The following SSC4D variants were observed in gnomAD, a reference collection of about 807,000 sequenced individuals.
SSC4D encodes the protein scavenger receptor cysteine rich family member with 4 domains.
A neutral mutation model predicts 63.4 loss-of-function variants in SSC4D; 57 were observed. The ratio of observed to expected loss-of-function variants is 0.90; its 90% CI spans 0.73 to 1.12. The LOEUF (loss-of-function observed/expected upper bound fraction) is 1.12. Ranked by LOEUF, SSC4D falls within the 50% of genes most tolerant of loss-of-function variation. The pLI is 0.00. For missense variants in SSC4D, 791 were observed against 806.4 expected (o/e 0.98, Z 0.23); for synonymous variants, 352 against 345.4 (o/e 1.02, Z -0.21).
chr7:76,397,981 G>C (rs1227361590), intron 5 of SSC4D, 149 bp from the exon 6 acceptor site: 8 of 818,182 alleles, frequency 9.8e-6, no homozygotes, highest in Middle Eastern at 3.6e-4. Flanking sequence ...GTCCAGACTG[G>C]GGGTAGCTTG....
chr7:76,401,447 A>G (rs1399253549), intron 2 of SSC4D, among the ~76,000 whole-genome samples: 2 of 151,518 alleles, frequency 1.3e-5, no homozygotes, highest in Non-Finnish European at 2.9e-5. Flanking sequence ...ACAAAGTCTC[A>G]CTCTTGTCAC....
intron 1 of SSC4D, among the ~76,000 whole-genome samples, chr7:76,405,323 T>TTTTCTTTCTTTCTTTCTTTCTTTCTTTC (rs765504064): frequency 3.4e-5 from 1 of 29,176 alleles, no homozygotes; most frequent in Non-Finnish European, 5.9e-5. Context: ...ATATGTATTT[T>TTTTCTTTCTTTCTTTCTTTCTTTCTTTC]TTTCTTTCTT....
Position 76,393,563 on chromosome 7 carries a change from C to T in SSC4D, c.1175G>A (p.Gly392Asp). 4.0e-6 allele frequency: 6 copies of T among 1,517,770 alleles called. No homozygotes were observed. The highest frequency in any genetic ancestry group is 5.3e-6 in the Non-Finnish European group (6 of 1,139,598). 94.0% of individuals were successfully genotyped at this position (1,517,770 alleles called of 1,614,324 possible). ...GCCGAAGTGGCCCAGTCCCGTAGCG[C>T]CCAGCGCAGGCCCGCAGCCCGCTTC... Reference protein sequence around the residue: ...CREAGCGPALGATGLGHFGYG... With the variant: ...CREAGCGPALDATGLGHFGYG... The change falls in exon 9 of 11, where the codon GGC becomes GAC. Residue 392 changes from glycine (G) to aspartate (D), a missense_variant. By Grantham distance (94) the Gly-to-Asp change is moderately conservative. Coordinates refer to ENST00000275560, the MANE Select transcript of SSC4D (RefSeq NM_080744.2).
chr7:76,406,105 C>T (rs1805020488), intron 1 of SSC4D, among the ~76,000 whole-genome samples: 1 of 152,180 alleles, frequency 6.6e-6, no homozygotes, highest in Non-Finnish European at 1.5e-5. Flanking sequence ...CCTGCCTCAG[C>T]CTCCTGAGTA....
At chr7:76,390,555 C>T (rs1804474226) in intron 10 of SSC4D, among the ~76,000 whole-genome samples, 180 bp from the exon 11 acceptor site, 1 of 152,230 alleles carries the variant, frequency 6.6e-6, no homozygotes, top group Admixed American at 6.5e-5. Context: ...CAATGGCTCA[C>T]GCCTGTAATT....
intron 9 of SSC4D, 23 bp downstream of exon 9, chr7:76,393,382 C>G (rs749194841): frequency 3.0e-5 from 40 of 1,332,498 alleles, no homozygotes; most frequent in Middle Eastern, 5.7e-4. Context: ...CGCTGTCAGC[C>G]TCACCTTCGC....
At chr7:76,403,457 C>G (rs984313883) in intron 2 of SSC4D, among the ~76,000 whole-genome samples, 2 of 151,672 alleles carry the variant, frequency 1.3e-5, no homozygotes, top group African/African-American at 4.8e-5. Context: ...CCTGCCTCAG[C>G]CTCCTGAGTA....
chr7:76,405,357 T>C (rs1179279391), intron 1 of SSC4D, among the ~76,000 whole-genome samples: 1 of 121,298 alleles, frequency 8.2e-6, no homozygotes, highest in Non-Finnish European at 1.8e-5. Context: ...TTTTTTTTTT[T>C]TTTTGGTAGA....
At position 76,405,274 on chromosome 7, in the gene SSC4D, TATATATATATATATA is replaced by T. The variant is rs1563686787; in HGVS notation, c.-66-784_-66-770del. On this transcript the variant is annotated intron_variant, in intron 1 of 10. Transcript: ENST00000275560. ...GTGCATCACCACACCCAGCTAATTA[TATATATATATATATA>T]TATATATATATATATATATATATAT... Among the ~76,000 whole-genome samples the T allele has an allele frequency of 3.0e-3, 64 of 21,248 alleles. 1 individual carries two copies. The highest frequency in any genetic ancestry group is 0.014 in the East Asian group (6 of 430). 13.9% of individuals were successfully genotyped at this position (21,248 alleles called of 152,430 possible).
intron 1 of SSC4D, among the ~76,000 whole-genome samples, chr7:76,405,075 GA>G (rs1233887142): frequency 2.7e-5 from 4 of 149,212 alleles, no homozygotes; most frequent in Admixed American, 6.7e-5. Flanking sequence ...GCCTCAAAAA[GA>G]AAAAAATTAA....
At chr7:76,399,203 G>C (rs962494469) in intron 4 of SSC4D, among the ~76,000 whole-genome samples, 2 of 151,888 alleles carry the variant, frequency 1.3e-5, no homozygotes, top group Non-Finnish European at 2.9e-5. Flanking sequence ...AGTAGAGATG[G>C]GGTTTCACCA....
chr7:76,396,423 A>G (rs535552305), intron 6 of SSC4D, among the ~76,000 whole-genome samples: 51 of 152,388 alleles, frequency 3.3e-4, no homozygotes, highest in Non-Finnish European at 5.3e-4. Flanking sequence ...GAAAGTAAAT[A>G]GAATTACGAC....
Position 76,393,568 on chromosome 7 carries a change from C to T in SSC4D, c.1170G>A (p.Ala390=), listed in dbSNP as rs1159326728. The T allele has an allele frequency of 1.1e-5, 16 of 1,514,004 alleles. No homozygotes were observed. The highest frequency in any genetic ancestry group is 2.9e-5 in the African/African-American group (2 of 69,726). 93.8% of individuals were successfully genotyped at this position (1,514,004 alleles called of 1,614,324 possible). ...VACREAGCGP[A]LGATGLGHFG... ...AGTGGCCCAGTCCCGTAGCGCCCAG[C>T]GCAGGCCCGCAGCCCGCTTCGCGGC... The change falls in exon 9 of 11, where the codon GCG becomes GCA. Residue 390 remains alanine (A), a synonymous_variant. Coordinates refer to ENST00000275560, the MANE Select transcript of SSC4D (RefSeq NM_080744.2).
At chr7:76,401,819 C>G (rs993941843) in intron 2 of SSC4D, among the ~76,000 whole-genome samples, 2 of 152,170 alleles carry the variant, frequency 1.3e-5, no homozygotes, top group Non-Finnish European at 2.9e-5. Flanking sequence ...TCCTGGACAC[C>G]ACATACCCAG....
rs1271510975 is a variant in SSC4D, at chr7:76,405,339, C to CTTTCTTTCTT, written c.-66-835_-66-834insAAGAAAGAAA. On this transcript the variant is annotated intron_variant, in intron 1 of 10. Coordinates refer to ENST00000275560, the MANE Select transcript of SSC4D (RefSeq NM_080744.2). ...TATGTATTTTTTTCTTTCTTTCTTTCTTTTTTTTTTTTTTTTTTTTTTGGT... is the reference window on the plus strand; with the variant it reads ...TATGTATTTTTTTCTTTCTTTCTTTCTTTCTTTCTTTTTTTTTTTTTTTTTTTTTTTTGGT... Among the ~76,000 whole-genome samples the CTTTCTTTCTT allele has an allele frequency of 9.8e-4, 21 of 21,384 alleles. 2 individuals are homozygous for CTTTCTTTCTT. The East Asian group carries it at 9.9e-3, about 10-fold the overall frequency. 14.0% of individuals were successfully genotyped at this position (21,384 alleles called of 152,430 possible). A position where few individuals can be genotyped will look rare whatever the true frequency, so the allele number is the denominator to read the frequency against.
chr7:76,390,042 C>T lies in SSC4D; in HGVS notation c.*17G>A, dbSNP rs1296323192. 1 of 1,613,864 alleles carries T rather than the reference C, an allele frequency of 6.2e-7. No homozygotes were observed. Among genetic ancestry groups the T allele is most frequent in the Non-Finnish European group, 8.5e-7 (1 of 1,179,924 alleles). On this transcript the variant is annotated 3_prime_UTR_variant, in exon 11 of 11. Transcript: ENST00000275560. ...CACAGCTCCCAGAAGAAGAGGTGGT[C>T]TGCAGAGCGGGCTGGGTCATGAAGG...
rs1383266894 is a variant in SSC4D at position 76,401,135 on chromosome 7, A to G, written c.134-92T>C. 9 of 1,422,856 alleles carry G rather than the reference A, an allele frequency of 6.3e-6. No individual in the cohort carries two copies. The East Asian group carries it at 2.4e-4, about 38-fold the overall frequency. The allele number at this position is 1,422,856 out of a possible 1,614,324, so 88.1% of individuals were successfully genotyped here. ...CACCCCCCAACTCCCACAGTCCTCAACATTACCCCCATCTTCTTGGACTTC... is the reference window on the plus strand; with the variant it reads ...CACCCCCCAACTCCCACAGTCCTCAGCATTACCCCCATCTTCTTGGACTTC... On this transcript the variant is annotated intron_variant, in intron 2 of 10. Transcript: ENST00000275560.
chr7:76,394,576 T>A (rs929447035), intron 7 of SSC4D, among the ~76,000 whole-genome samples: 1 of 150,402 alleles, frequency 6.6e-6, no homozygotes, highest in Non-Finnish European at 1.5e-5. Context: ...TTTTTGTATT[T>A]TTATTTATTT....
In SSC4D at chr7:76,393,540, C is replaced by T; in HGVS notation, c.1198G>A (p.Gly400Ser). ...ALGATGLGHFGYGRGPVLLDN... is the reference protein window; with the variant it reads ...ALGATGLGHFSYGRGPVLLDN... ...AGCAGCACGGGGCCGCGGCCGTAGC[C>T]GAAGTGGCCCAGTCCCGTAGCGCCC... The change falls in exon 9 of 11, where the codon GGC (glycine) becomes AGC (serine). Residue 400 changes from glycine (G) to serine (S), a missense_variant. Transcript: ENST00000275560. 1 of 1,523,630 alleles carries T rather than the reference C, an allele frequency of 6.6e-7. No individual in the cohort carries two copies. Among genetic ancestry groups the T allele is most frequent in the East Asian group, 2.5e-5 (1 of 39,398 alleles). 94.4% of individuals were successfully genotyped at this position (1,523,630 alleles called of 1,614,324 possible).
Sources: allele counts gnomAD v4.1 joint callset (sites outside exome capture counted in the v4.1 genomes callset), GRCh38; gene constraint gnomAD v4.1.1; transcripts MANE v1.5; gene names NCBI Gene and HGNC (gene_info 2026-07-23, HGNC 2026-07-21).